Variants in OSBPL10 observed in about 807,000 individuals in gnomAD.
OSBPL10 encodes the protein oxysterol binding protein like 10.
Under a neutral mutation model 81.7 loss-of-function variants are expected in OSBPL10, and 49 were observed. The observed-to-expected ratio is 0.60, with a 90% CI of 0.48 to 0.76. The LOEUF is 0.76. Ranked by LOEUF, OSBPL10 falls within the 30% of genes least tolerant of loss-of-function variation. The pLI, the probability that OSBPL10 is intolerant of heterozygous loss-of-function variation, is 0.00. For missense variants in OSBPL10, 923 were observed against 987.8 expected (o/e 0.93, Z 0.88); for synonymous variants, 419 against 383.6 (o/e 1.09, Z -1.08).
At chr3:31,929,368 G>A (rs6772029) in intron 1 of OSBPL10, among the ~76,000 whole-genome samples, 88,236 of 152,084 alleles carry the variant, frequency 0.58, 26,586 homozygotes, top group African/African-American at 0.75. Flanking sequence ...AAATTAACAT[G>A]TAAAATATGT....
chr3:31,664,736 C>T (rs1700148835), intron 10 of OSBPL10: 1 of 172,390 alleles, frequency 5.8e-6, no homozygotes. Flanking sequence ...ACCTGCTTTC[C>T]CACAAGGGAA....
intron 8 of OSBPL10, among the ~76,000 whole-genome samples, chr3:31,677,549 C>T (rs531066675): frequency 5.9e-5 from 9 of 152,276 alleles, no homozygotes; most frequent in African/African-American, 2.2e-4. Flanking sequence ...CATTTTCAAG[C>T]AGTTAGAAAA....
intron 1 of OSBPL10, among the ~76,000 whole-genome samples, chr3:31,902,177 T>A (rs148868680): frequency 8.5e-5 from 13 of 152,208 alleles, no homozygotes; most frequent in African/African-American, 2.9e-4. Context: ...TGTGCTAAGG[T>A]TTAAACAAGC....
chr3:31,760,531 C>T (rs1375310110), intron 4 of OSBPL10, among the ~76,000 whole-genome samples: 1 of 152,120 alleles, frequency 6.6e-6, no homozygotes, highest in African/African-American at 2.4e-5. Flanking sequence ...AGTTATTATA[C>T]TTTATTCTTC....
intron 4 of OSBPL10, among the ~76,000 whole-genome samples, chr3:31,779,732 C>T (rs1698639492): frequency 6.6e-6 from 1 of 152,150 alleles, no homozygotes; most frequent in African/African-American, 2.4e-5. Flanking sequence ...ACATTCTACC[C>T]AACAACTGCA....
intron 1 of OSBPL10, among the ~76,000 whole-genome samples, chr3:31,925,085 C>A (rs929906536): frequency 2.0e-5 from 3 of 152,144 alleles, no homozygotes; most frequent in Non-Finnish European, 2.9e-5. Context: ...ACCAAAAAAA[C>A]TCAGCCAAGG....
chr3:31,685,982 T>C (rs952704745), intron 7 of OSBPL10, among the ~76,000 whole-genome samples: 2 of 152,186 alleles, frequency 1.3e-5, no homozygotes, highest in African/African-American at 4.8e-5. Flanking sequence ...AAGAGATTAA[T>C]GCCTTCCTTC....
At chr3:31,888,880 C>A (rs778090974) in intron 1 of OSBPL10, among the ~76,000 whole-genome samples, 1 of 152,078 alleles carries the variant, frequency 6.6e-6, no homozygotes, top group Non-Finnish European at 1.5e-5. Context: ...GCCGAGATCA[C>A]GTCACTGCAC....
chr3:31,935,880 G>C (rs1697370525), intron 1 of OSBPL10, among the ~76,000 whole-genome samples: 1 of 152,090 alleles, frequency 6.6e-6, no homozygotes, highest in African/African-American at 2.4e-5. Flanking sequence ...TTAAGCAAGG[G>C]GTTCTGGAAA....
At chr3:31,713,236 G>A (rs115679582) in intron 6 of OSBPL10, among the ~76,000 whole-genome samples, 1,726 of 152,050 alleles carry the variant, frequency 0.011, 35 homozygotes, top group African/African-American at 0.039. Context: ...TCTTGATCAC[G>A]CTCCCCTCCT....
intron 3 of OSBPL10, among the ~76,000 whole-genome samples, chr3:31,836,872 G>A (rs1380202598): frequency 6.6e-6 from 1 of 152,124 alleles, no homozygotes; most frequent in Non-Finnish European, 1.5e-5. Flanking sequence ...TTGTCTTTCT[G>A]CTGACAAAGC....
chr3:32,058,142 C>G (rs1030734288), intron 1 of OSBPL10, among the ~76,000 whole-genome samples: 4 of 152,244 alleles, frequency 2.6e-5, no homozygotes, highest in African/African-American at 9.6e-5. Context: ...AAACCTTGAA[C>G]TTTAGTTAAT....
chr3:32,059,113 A>G lies in OSBPL10; in HGVS notation n.186-12510T>C, dbSNP rs142568391. 2.0e-3 allele frequency among the ~76,000 whole-genome samples: 301 copies of G among 151,704 alleles called. 2 individuals are homozygous for G. The highest frequency in any genetic ancestry group is 6.9e-3 in the African/African-American group (285 of 41,336). ...GGAGTTTAAGACCAGCCTGGCCAAC[A>G]TGATGAAACCCTGTCTCTACAAAAA... On this transcript the variant is annotated intron_variant and non_coding_transcript_variant, in intron 1 of 3. Coordinates refer to the OSBPL10 transcript ENST00000479173.
At chr3:31,726,985 C>T (rs1278727949) in intron 6 of OSBPL10, among the ~76,000 whole-genome samples, 6 of 151,828 alleles carry the variant, frequency 4.0e-5, no homozygotes, top group Admixed American at 3.9e-4. Flanking sequence ...CTGGGACCAT[C>T]GGCACGTACC....
intron 2 of OSBPL10, among the ~76,000 whole-genome samples, chr3:32,013,255 C>T (rs895069514): frequency 1.3e-5 from 2 of 152,164 alleles, no homozygotes; most frequent in Non-Finnish European, 1.5e-5. Context: ...CCTCAGACCA[C>T]GGTGCAAACA....
chr3:31,672,828 G>A (rs1700360023), intron 8 of OSBPL10, among the ~76,000 whole-genome samples: 1 of 152,150 alleles, frequency 6.6e-6, no homozygotes, highest in Admixed American at 6.5e-5. Context: ...GACAGATGAA[G>A]GCACTGAGAC....
At chr3:31,750,018 T>C (rs1223833326) in intron 4 of OSBPL10, among the ~76,000 whole-genome samples, 1 of 150,170 alleles carries the variant, frequency 6.7e-6, no homozygotes, top group Non-Finnish European at 1.5e-5. Context: ...CCATCTCTAC[T>C]AAAAAACACA....
At chr3:31,853,040 T>C (rs1700808950) in intron 3 of OSBPL10, among the ~76,000 whole-genome samples, 1 of 152,148 alleles carries the variant, frequency 6.6e-6, no homozygotes, top group Non-Finnish European at 1.5e-5. Context: ...CTGGAGTTCA[T>C]AAGGTTTTTT....
In OSBPL10 at chr3:31,662,414, A is replaced by G. The variant is rs543712427; in HGVS notation, c.2251-298T>C. The G allele has an allele frequency of 5.7e-5, 65 of 1,136,502 alleles. 1 individual carries two copies. In the East Asian group the frequency reaches 3.7e-3, roughly 65 times the overall value. The allele number at this position is 1,136,502 out of a possible 1,614,324, so 70.4% of individuals were successfully genotyped here. A position where few individuals can be genotyped will look rare whatever the true frequency, so the allele number is the denominator to read the frequency against. On this transcript the variant is annotated intron_variant, in intron 11 of 11. Coordinates refer to ENST00000396556, the MANE Select transcript of OSBPL10 (RefSeq NM_017784.5). ...GGCCAAAAAAAAGAAGCACTTTGAC[A>G]GTGGGACAAGAGAAAAGGAGAGTAG...
Sources: allele counts gnomAD v4.1 joint callset (sites outside exome capture counted in the v4.1 genomes callset), GRCh38; gene constraint gnomAD v4.1.1; transcripts MANE v1.5; gene names NCBI Gene and HGNC (gene_info 2026-07-23, HGNC 2026-07-21).